The following CDH23 variants were observed in gnomAD, a reference collection of about 807,000 sequenced individuals.
CDH23 encodes the protein cadherin-23.
In CDH23, 189 loss-of-function variants were observed where a neutral mutation model predicts 317.1. That is an observed-to-expected ratio of 0.60 (90% CI 0.53 to 0.67). The LOEUF is 0.67. Ranked by LOEUF, CDH23 falls within the 30% of genes least tolerant of loss-of-function variation. The pLI is 0.00. For synonymous variants in CDH23, 1,839 were observed against 1,876.8 expected, an observed-to-expected ratio of 0.98 and a Z score of 0.52; for missense variants, 4,401 against 4,592.4, an observed-to-expected ratio of 0.96 and a Z score of 1.20.
chr10:71,759,277 A>T (rs1463670921), intron 38 of CDH23, among the ~76,000 whole-genome samples: 2 of 151,718 alleles, frequency 1.3e-5, no homozygotes, highest in Non-Finnish European at 2.9e-5. Context: ...GCCTCAAGCG[A>T]TCTGCCTGCC....
chr10:71,774,166 T>G (rs1840763108), intron 38 of CDH23, among the ~76,000 whole-genome samples: 1 of 152,092 alleles, frequency 6.6e-6, no homozygotes, highest in African/African-American at 2.4e-5. Context: ...GCAACACCTG[T>G]TGGCGTGCCC....
chr10:71,593,820 T>C (rs183935529), intron 9 of CDH23, among the ~76,000 whole-genome samples: 1 of 152,320 alleles, frequency 6.6e-6, no homozygotes, highest in East Asian at 1.9e-4. Context: ...GAGAATGGGT[T>C]TTAAATATAA....
intron 11 of CDH23, among the ~76,000 whole-genome samples, chr10:71,622,268 T>C (rs540275911): frequency 4.6e-5 from 7 of 152,270 alleles, no homozygotes; most frequent in African/African-American, 1.7e-4. Context: ...TCTTTGTATT[T>C]TCTCCACTTG....
chr10:71,724,961 A>G (rs1045126921), intron 29 of CDH23, among the ~76,000 whole-genome samples: 1 of 152,216 alleles, frequency 6.6e-6, no homozygotes, highest in Non-Finnish European at 1.5e-5. Context: ...TCCTGGATTC[A>G]ACCACCCATG....
Position 71,815,044 on chromosome 10 carries a change from G to T in CDH23, c.9831G>T (p.Lys3277Asn). ...GCCACAAGCCACCAGTGGAGCTCAA[G>T]GGGCCCGATGGGATCCATGTGGTGC... The part of the protein sequence containing the change: ...RFRHKPPVEL[K>N]GPDGIHVVHG... Residue 3277 changes from lysine (K) to asparagine (N), a missense_variant, in exon 70 of 70, where the codon AAG (lysine) becomes AAT (asparagine). Physicochemically the swap from Lys to Asn is moderately conservative, Grantham distance 94 (BLOSUM62 0). This residue lies in a region of CDH23 where 1,144 missense variants were observed against 1,138.2 expected (regional missense o/e 1.01). Transcript: ENST00000224721. 1 of 1,612,528 alleles carries T rather than the reference G, an allele frequency of 6.2e-7. No individual in the cohort carries two copies. Among genetic ancestry groups the T allele is most frequent in the Non-Finnish European group, 8.5e-7 (1 of 1,179,646 alleles).
rs567204096 is a variant in CDH23 at position 71,703,929 on chromosome 10, G to T, written c.2734-982G>T. The stretch of plus-strand genomic sequence containing the variant: ...CTGAGTTCATAGAGGAAGGAGCGGG[G>T]AGCGTTTAACTTGGAAACTGTCCTC... On this transcript the variant is annotated intron_variant, in intron 24 of 69. Coordinates refer to ENST00000224721, the MANE Select transcript of CDH23 (RefSeq NM_022124.6). Among the ~76,000 whole-genome samples, 6 of 152,348 alleles carry T rather than the reference G, an allele frequency of 3.9e-5. No homozygotes were observed. In the East Asian group the frequency reaches 1.2e-3, roughly 29 times the overall value.
intron 3 of CDH23, among the ~76,000 whole-genome samples, chr10:71,500,744 T>C (rs1448737386): frequency 6.6e-6 from 1 of 151,398 alleles, no homozygotes; most frequent in Non-Finnish European, 1.5e-5. Flanking sequence ...TAGGTCACTT[T>C]ACCCCTCTGA....
At chr10:71,607,523 A>G (rs1443721492) in intron 9 of CDH23, among the ~76,000 whole-genome samples, 1 of 152,202 alleles carries the variant, frequency 6.6e-6, no homozygotes, top group East Asian at 1.9e-4. Context: ...AACTCAATCT[A>G]TGTTGGCCAT....
At chr10:71,524,993 T>C (rs930623623) in intron 6 of CDH23, among the ~76,000 whole-genome samples, 13 of 152,232 alleles carry the variant, frequency 8.5e-5, no homozygotes, top group African/African-American at 3.1e-4. Context: ...CTGCAACCTC[T>C]GCCTCTTGGG....
intron 22 of CDH23, among the ~76,000 whole-genome samples, chr10:71,696,240 C>A (rs1865386187): frequency 6.6e-6 from 1 of 152,210 alleles, no homozygotes; most frequent in Admixed American, 6.5e-5. Flanking sequence ...ACCCTGTACA[C>A]CACGTGGCCT....
chr10:71,812,060 G>T (rs1841948600), intron 66 of CDH23, 45 bp downstream of exon 66: 1 of 1,613,740 alleles, frequency 6.2e-7, no homozygotes. Context: ...GGGGAGTCCT[G>T]CCAGGACCCA....
At chr10:71,800,793 T>A (rs371506769) in intron 53 of CDH23, 38 bp downstream of exon 53, 6 of 1,606,884 alleles carry the variant, frequency 3.7e-6, no homozygotes, top group Non-Finnish European at 4.2e-6. Context: ...TGACAGGGAC[T>A]GGGGTTGTGG....
intron 38 of CDH23, chr10:71,761,783 G>A (rs1259591403): frequency 6.2e-7 from 1 of 1,614,066 alleles, no homozygotes; most frequent in East Asian, 2.2e-5. Context: ...GTCGTGGCTG[G>A]TGTTGGCAGC....
At chr10:71,591,442 A>T (rs1275741780) in intron 9 of CDH23, among the ~76,000 whole-genome samples, 1 of 152,168 alleles carries the variant, frequency 6.6e-6, no homozygotes, top group African/African-American at 2.4e-5. Flanking sequence ...CACTGGACAC[A>T]AGGAGAGCTG....
At chr10:71,569,761 G>C (rs1348515808) in intron 7 of CDH23, among the ~76,000 whole-genome samples, 1 of 152,220 alleles carries the variant, frequency 6.6e-6, no homozygotes, top group Non-Finnish European at 1.5e-5. Flanking sequence ...GTGCCCGGTA[G>C]AGTGGCTGCC....
intron 6 of CDH23, among the ~76,000 whole-genome samples, chr10:71,514,989 G>A (rs539190941): frequency 2.0e-5 from 3 of 152,314 alleles, no homozygotes; most frequent in South Asian, 4.1e-4. Flanking sequence ...TGCCCGCCTC[G>A]CTGACCTTCA....
intron 19 of CDH23, among the ~76,000 whole-genome samples, chr10:71,688,996 G>A (rs1865053103): frequency 9.2e-6 from 1 of 108,988 alleles, no homozygotes; most frequent in Non-Finnish European, 2.1e-5. Context: ...GTCAGGGATG[G>A]TGGAGCCAGG....
intron 57 of CDH23, among the ~76,000 whole-genome samples, chr10:71,807,074 G>T (rs1379359286): frequency 6.6e-6 from 1 of 152,206 alleles, no homozygotes; most frequent in Non-Finnish European, 1.5e-5. Flanking sequence ...TTTGGGTTCT[G>T]GGCAACACTC....
intron 38 of CDH23, among the ~76,000 whole-genome samples, chr10:71,747,073 G>A (rs565664625): frequency 3.3e-5 from 5 of 152,318 alleles, no homozygotes; most frequent in African/African-American, 1.2e-4. Context: ...CCCTGACCCA[G>A]CACAAGTACA....
Sources: gnomAD v4.1 joint callset for allele counts (sites outside exome capture counted in the v4.1 genomes callset) on GRCh38, gnomAD v4.1.1 for gene constraint, gnomAD v4.1.1 regional missense constraint, MANE v1.5 for transcripts, NCBI Gene and HGNC (gene_info 2026-07-23, HGNC 2026-07-21) for gene names.